Variants in ADAR observed in about 807,000 individuals in gnomAD.
ADAR encodes the protein double-stranded RNA-specific adenosine deaminase.
Under a neutral mutation model 113.2 loss-of-function variants are expected in ADAR, and 41 were observed. The ratio of observed to expected loss-of-function variants is 0.36; its 90% confidence interval spans 0.28 to 0.47. ADAR has a LOEUF of 0.47. ADAR is among the 20% of genes least tolerant of loss of function. ADAR has a pLI of 1.00. For missense variants in ADAR, 1,242 were observed against 1,540.9 expected (o/e 0.81, Z 3.25); for synonymous variants, 605 against 572.6 (o/e 1.06, Z -0.81).
chr1:154,586,328 C>T lies in ADAR; in HGVS notation c.3055G>A (p.Val1019Met), dbSNP rs1696760657. 1.2e-6 allele frequency: 2 copies of T among 1,614,188 alleles called. No individual in the cohort carries two copies. Among genetic ancestry groups the T allele is most frequent in the Admixed American group, 1.7e-5 (1 of 60,028 alleles). Residue 1019 changes from valine (V) to methionine (M), a missense_variant, in exon 12 of 15, where the codon GTG (valine) becomes ATG (methionine). By Grantham distance (21) the Val-to-Met change is conservative. Around this residue, in one of 2 missense-constraint regions of ADAR, gnomAD observed 780 missense variants for 1,057.9 expected, o/e 0.74. Coordinates refer to ENST00000368474, the MANE Select transcript of ADAR (RefSeq NM_001111.5). ...AGCCGAATGCCATCCCACGTAGGCA[C>T]AATGTCACTGGATTCCACAGGGATT... is the stretch of plus-strand genomic sequence containing the variant. ...GTIPVESSDI[V>M]PTWDGIRLGE...
intron 1 of ADAR, among the ~76,000 whole-genome samples, chr1:154,613,431 C>T (rs1032810441): frequency 1.3e-5 from 2 of 151,658 alleles, no homozygotes; most frequent in African/African-American, 2.4e-5. Flanking sequence ...ACTACAGGCA[C>T]GCGCTATCAT....
At chr1:154,597,536 G>A (rs1193236062) in intron 4 of ADAR, among the ~76,000 whole-genome samples, 1 of 152,136 alleles carries the variant, frequency 6.6e-6, no homozygotes, top group Non-Finnish European at 1.5e-5. Flanking sequence ...CACAGGCAGA[G>A]AGCTTCTCAG....
chr1:154,615,850 A>G (rs1331445846), intron 1 of ADAR, among the ~76,000 whole-genome samples: 7 of 152,378 alleles, frequency 4.6e-5, no homozygotes, highest in African/African-American at 1.4e-4. Flanking sequence ...AAAATAAATC[A>G]TCTGTGAAAG....
In ADAR at chr1:154,589,261, G is replaced by A. The variant is rs1571062639; in HGVS notation, c.2762+108C>T. 39 of 869,006 alleles carry A rather than the reference G, an allele frequency of 4.5e-5. No homozygotes were observed. The East Asian group carries it at 9.7e-4, about 22-fold the overall frequency. The allele number at this position is 869,006 out of a possible 1,614,324, so 53.8% of individuals were successfully genotyped here. A position where few individuals can be genotyped will look rare whatever the true frequency, so the allele number is the denominator to read the frequency against. ...GCAAAGGCTGCCACTGCCACATCATGACCCGTCTGTCTGAGGGGGATTCAG... is the reference window on the plus strand; with the variant it reads ...GCAAAGGCTGCCACTGCCACATCATAACCCGTCTGTCTGAGGGGGATTCAG... On this transcript the variant is annotated intron_variant, in intron 9 of 14. Transcript: ENST00000368474.
rs1697959392 is a variant in ADAR, at chr1:154,602,571, T to G, written c.71A>C (p.Gln24Pro). ...TGGCCCAGGCTGCTGGTACCTGAGC[T>G]GTCTGTGCTCATAGCCTTGAAATGG... ...THPFQGYEHR[Q>P]LRYQQPGPGS... is the part of the protein sequence containing the mutation. Residue 24 changes from glutamine (Q) to proline (P), a missense_variant, in exon 2 of 15, where the codon CAG becomes CCG. This residue lies in a region of ADAR where 462 missense variants were observed against 483.1 expected (regional missense o/e 0.96). Coordinates refer to ENST00000368474, the MANE Select transcript of ADAR (RefSeq NM_001111.5). The G allele has an allele frequency of 6.2e-7, 1 of 1,614,052 alleles. No individual in the cohort carries two copies. Among genetic ancestry groups the G allele is most frequent in the African/African-American group, 1.3e-5 (1 of 74,946 alleles).
intron 1 of ADAR, among the ~76,000 whole-genome samples, chr1:154,607,282 T>C (rs138658255): frequency 2.0e-5 from 3 of 152,336 alleles, no homozygotes; most frequent in Non-Finnish European, 2.9e-5. Flanking sequence ...TTGTTACTTG[T>C]AACAGTATTT....
intron 6 of ADAR, among the ~76,000 whole-genome samples, chr1:154,591,545 G>C (rs1697148955): frequency 1.3e-5 from 2 of 152,256 alleles, no homozygotes; most frequent in Non-Finnish European, 2.9e-5. Context: ...CAGGGAGGTG[G>C]CTTCTACCGC....
chr1:154,607,498 C>G (rs1364864918), intron 1 of ADAR, among the ~76,000 whole-genome samples: 1 of 151,346 alleles, frequency 6.6e-6, no homozygotes, highest in Admixed American at 6.6e-5. Flanking sequence ...TGCTCAAAGT[C>G]CGAACGTTGT....
intron 6 of ADAR, among the ~76,000 whole-genome samples, chr1:154,594,082 A>G (rs962992916): frequency 6.6e-6 from 1 of 152,160 alleles, no homozygotes; most frequent in Non-Finnish European, 1.5e-5. Flanking sequence ...GGGTTTTACC[A>G]TGTTGGCCAG....
In ADAR at chr1:154,586,278, G is replaced by A. The variant is rs769697484; in HGVS notation, c.3105C>T (p.Ser1035=). 1.7e-5 allele frequency: 27 copies of A among 1,614,102 alleles called. 1 individual carries two copies. The South Asian group carries it at 2.6e-4, about 16-fold the overall frequency. The part of the protein sequence containing the change: ...IRLGERLRTM[S]CSDKILRWNV... ...TCCAGCGTAGGATTTTGTCACTACA[G>A]GACATGGTACGGAGTCTCTCCCCGA... The change falls in exon 12 of 15, where the codon TCC becomes TCT. Residue 1035 remains serine, a synonymous_variant. Coordinates refer to ENST00000368474, the MANE Select transcript of ADAR (RefSeq NM_001111.5).
chr1:154,610,333 A>G (rs184405597), upstream of ADAR, among the ~76,000 whole-genome samples: 12 of 152,328 alleles, frequency 7.9e-5, no homozygotes, highest in Non-Finnish European at 1.5e-4. Flanking sequence ...AAAATGGATA[A>G]ATGGTGGCAT....
chr1:154,615,907 T>G (rs1172500044), intron 1 of ADAR, among the ~76,000 whole-genome samples: 1 of 152,212 alleles, frequency 6.6e-6, no homozygotes. Context: ...AAACTTTTAG[T>G]AAGATTGTGT....
At chr1:154,618,571 G>C (rs1698698632) in intron 1 of ADAR, among the ~76,000 whole-genome samples, 1 of 152,106 alleles carries the variant, frequency 6.6e-6, no homozygotes, top group African/African-American at 2.4e-5. Flanking sequence ...ATAAAGCAAG[G>C]GTAGAGCTTC....
At chr1:154,625,418 G>A (rs563157779) in intron 1 of ADAR, among the ~76,000 whole-genome samples, 2 of 152,316 alleles carry the variant, frequency 1.3e-5, no homozygotes, top group African/African-American at 2.4e-5. Context: ...CAGCTTTGCC[G>A]TTAATTAATG....
At chr1:154,617,262 C>T (rs1432240338) in intron 1 of ADAR, among the ~76,000 whole-genome samples, 1 of 152,198 alleles carries the variant, frequency 6.6e-6, no homozygotes, top group East Asian at 1.9e-4. Flanking sequence ...CTCATTGCCA[C>T]CCTCAAGGCT....
In ADAR at chr1:154,589,353, C is replaced by T; in HGVS notation, c.2762+16G>A. On this transcript the variant is annotated intron_variant, in intron 9 of 14. Coordinates refer to ENST00000368474, the MANE Select transcript of ADAR (RefSeq NM_001111.5). ...CCACAGCCGGGCAGCCGGGCCACAG[C>T]TCTGACCTCGCTCACCTGATGAAGC... is the stretch of plus-strand genomic sequence containing the variant. The T allele has an allele frequency of 1.2e-6, 2 of 1,611,390 alleles. No individual in the cohort carries two copies. The highest frequency in any genetic ancestry group is 1.7e-6 in the Non-Finnish European group (2 of 1,177,770).
chr1:154,584,901 T>C lies in ADAR; in HGVS notation c.3586A>G (p.Lys1196Glu). 1 of 1,614,198 alleles carries C rather than the reference T, an allele frequency of 6.2e-7. No homozygotes were observed. Among genetic ancestry groups the C allele is most frequent in the Non-Finnish European group, 8.5e-7 (1 of 1,180,042 alleles). ...TTCAGGCCTTTTTTGAAGTAGTTCTTGGCCGTCTCGTAGTCACGGGCAGCT... is the reference window on the plus strand; with the variant it reads ...TTCAGGCCTTTTTTGAAGTAGTTCTCGGCCGTCTCGTAGTCACGGGCAGCT... ...KKAARDYETA[K>E]NYFKKGLKDM... Residue 1196 changes from lysine (K) to glutamate (E), a missense_variant, in exon 15 of 15, where the codon AAG (lysine) becomes GAG (glutamate). Lys to Glu is a moderately conservative substitution (Grantham distance 56). Transcript: ENST00000368474.
chr1:154,627,532 C>T (rs1177112038), intron 1 of ADAR, among the ~76,000 whole-genome samples: 1 of 152,150 alleles, frequency 6.6e-6, no homozygotes, highest in Admixed American at 6.5e-5. Flanking sequence ...GCTGTTGGGC[C>T]TTTGGTACCC....
chr1:154,593,256 A>G (rs1224197095), intron 6 of ADAR, among the ~76,000 whole-genome samples: 1 of 152,112 alleles, frequency 6.6e-6, no homozygotes, highest in East Asian at 1.9e-4. Flanking sequence ...ACTAAAGTAT[A>G]TTATTGTACG....
Sources: gnomAD v4.1 joint callset for allele counts (sites outside exome capture counted in the v4.1 genomes callset) on GRCh38, gnomAD v4.1.1 for gene constraint, gnomAD v4.1.1 regional missense constraint, MANE v1.5 for transcripts, NCBI Gene and HGNC (gene_info 2026-07-23, HGNC 2026-07-21) for gene names.